The following SFMBT1 variants were observed in gnomAD, a reference collection of about 807,000 sequenced individuals.
The protein encoded by SFMBT1 is scm-like with four MBT domains protein 1.
In SFMBT1, 32 loss-of-function variants were observed where a neutral mutation model predicts 108.7. The observed-to-expected ratio is 0.29, with a 90% confidence interval of 0.22 to 0.40. The LOEUF is 0.40. Among genes scored for constraint, SFMBT1 ranks in the 10% least tolerant of loss-of-function variants. SFMBT1 has a pLI of 1.00. For missense variants in SFMBT1, 816 were observed against 1,059.6 expected, an observed-to-expected ratio of 0.77 and a Z score of 3.19; for synonymous variants, 348 against 369.5, an observed-to-expected ratio of 0.94 and a Z score of 0.67.
intron 2 of SFMBT1, among the ~76,000 whole-genome samples, chr3:52,966,952 A>T (rs914702028): frequency 6.8e-6 from 1 of 147,802 alleles, no homozygotes; most frequent in Non-Finnish European, 1.5e-5. Flanking sequence ...GTGATAAGTT[A>T]TATATATATA....
chr3:52,928,619 CATATATACATATATAT>C (rs1702744545), intron 8 of SFMBT1: 2 of 37,568 alleles, frequency 5.3e-5, no homozygotes, highest in Non-Finnish European at 1.4e-4. Flanking sequence ...CATATATATA[CATATATACATATATAT>C]ACATATATAT....
Position 52,907,608 on chromosome 3 carries a change from T to A in SFMBT1, c.2032A>T (p.Lys678Ter). The A allele has an allele frequency of 6.2e-7, 1 of 1,614,196 alleles. No homozygotes were observed. Among genetic ancestry groups the A allele is most frequent in the Non-Finnish European group, 8.5e-7 (1 of 1,180,032 alleles). The change falls in exon 18 of 21, where the codon AAG becomes TAG. Residue 678 changes from lysine to a stop codon, truncating the protein, a stop_gained. Transcript: ENST00000394752. LOFTEE classifies it high-confidence loss of function. ...ACAGATGCAGAGGAGCGTTTCTTCT[T>A]ATGAACAAAAACATTTTTCCGCCTC... The part of the protein sequence containing the change: ...RKRRKNVFVH[K>*]KKRSSASVDN...
At position 52,916,747 on chromosome 3, in the gene SFMBT1, T is replaced by C. The variant is rs80024466; in HGVS notation, c.1416-533A>G. 5.3e-5 allele frequency among the ~76,000 whole-genome samples: 8 copies of C among 152,022 alleles called. No individual in the cohort carries two copies. In the East Asian group the frequency reaches 1.6e-3, roughly 29 times the overall value. On this transcript the variant is annotated intron_variant, in intron 13 of 20. Transcript: ENST00000394752. ...AAAAAAGAACAATTGTTTTTAAAAC[T>C]ATATATAGGGCATAATGAGCCAATG...
At chr3:52,971,140 T>C in intron 1 of SFMBT1, among the ~76,000 whole-genome samples, 1 of 149,256 alleles carries the variant, frequency 6.7e-6, no homozygotes, top group African/African-American at 2.5e-5. Flanking sequence ...AAATCCTGTC[T>C]CAAAAAAAAA....
intron 1 of SFMBT1, among the ~76,000 whole-genome samples, chr3:53,014,615 G>T (rs1699066306): frequency 6.6e-6 from 1 of 152,192 alleles, no homozygotes; most frequent in African/African-American, 2.4e-5. Context: ...AAGCTCTGGA[G>T]ACCAACAGTA....
chr3:52,953,998 G>A (rs1002832234), intron 3 of SFMBT1, among the ~76,000 whole-genome samples: 6 of 152,026 alleles, frequency 3.9e-5, no homozygotes, highest in Admixed American at 3.3e-4. Context: ...GGTGGCAGGC[G>A]CCTGTAGTCC....
At chr3:52,985,225 A>T (rs1704864289) in intron 1 of SFMBT1, among the ~76,000 whole-genome samples, 1 of 152,218 alleles carries the variant, frequency 6.6e-6, no homozygotes, top group Non-Finnish European at 1.5e-5. Context: ...TTATAAAAAG[A>T]TTATAGGAAA....
At chr3:52,998,851 G>A (rs1575428505) in intron 1 of SFMBT1, among the ~76,000 whole-genome samples, 1 of 150,672 alleles carries the variant, frequency 6.6e-6, no homozygotes, top group African/African-American at 2.4e-5. Context: ...AGGGCCTGCG[G>A]GGTGACGGCT....
At chr3:53,044,657 G>A (rs1161091997) in intron 1 of SFMBT1, among the ~76,000 whole-genome samples, 1 of 152,250 alleles carries the variant, frequency 6.6e-6, no homozygotes, top group Non-Finnish European at 1.5e-5. Flanking sequence ...AGAAAATGTG[G>A]TTCAAGAGAA....
intron 1 of SFMBT1, among the ~76,000 whole-genome samples, chr3:53,029,240 CT>C (rs2106954979): frequency 6.7e-6 from 1 of 148,182 alleles, no homozygotes; most frequent in East Asian, 2.0e-4. Context: ...AAAGAATAGA[CT>C]ACCACAAATT....
chr3:53,034,410 C>CT (rs1699798805), intron 1 of SFMBT1, among the ~76,000 whole-genome samples: 1 of 151,338 alleles, frequency 6.6e-6, no homozygotes, highest in Non-Finnish European at 1.5e-5. Flanking sequence ...AATCCCATCT[C>CT]TACTAAAAAT....
intron 1 of SFMBT1, among the ~76,000 whole-genome samples, chr3:53,022,322 C>T (rs975313347): frequency 2.4e-4 from 36 of 151,866 alleles, no homozygotes; most frequent in African/African-American, 8.2e-4. Context: ...TGGTGGCATG[C>T]GCCTGCAGTC....
At position 52,946,937 on chromosome 3, in the gene SFMBT1, G is replaced by A. The variant is rs1703387257; in HGVS notation, c.124-3344C>T. On this transcript the variant is annotated intron_variant, in intron 3 of 20. Coordinates refer to ENST00000394752, the MANE Select transcript of SFMBT1 (RefSeq NM_016329.4). ...CAGGCACGTGCCACCACACCTGGTT[G>A]ATTTTTGTATTTTTTGTAGCAACAA... Among the ~76,000 whole-genome samples, 3 of 151,222 alleles carry A rather than the reference G, an allele frequency of 2.0e-5. 1 individual carries two copies. In the South Asian group the frequency reaches 6.3e-4, roughly 32 times the overall value.
intron 2 of SFMBT1, among the ~76,000 whole-genome samples, chr3:52,958,494 G>A (rs1284674999): frequency 1.3e-5 from 2 of 152,198 alleles, no homozygotes; most frequent in Admixed American, 6.5e-5. Flanking sequence ...AGGAGGCTGA[G>A]GCAGGAGAAT....
chr3:52,914,260 G>A (rs1415508428), intron 14 of SFMBT1, among the ~76,000 whole-genome samples: 1 of 152,144 alleles, frequency 6.6e-6, no homozygotes, highest in Non-Finnish European at 1.5e-5. Context: ...CCCTCATAGT[G>A]GTAGGCATGT....
chr3:52,961,808 CTT>C (rs1237809525), intron 2 of SFMBT1, among the ~76,000 whole-genome samples: 8 of 152,234 alleles, frequency 5.3e-5, no homozygotes, highest in Admixed American at 3.9e-4. Context: ...ATTACTAAAA[CTT>C]AACAAGGCTG....
At chr3:52,928,407 C>A in intron 8 of SFMBT1, 66 bp from the exon 9 acceptor site, 2 of 1,533,912 alleles carry the variant, frequency 1.3e-6, no homozygotes, top group South Asian at 1.2e-5. Flanking sequence ...CTCCTTGGCA[C>A]AGCCAAACAT....
chr3:53,003,574 G>A (rs1278373406), intron 1 of SFMBT1, among the ~76,000 whole-genome samples: 1 of 149,532 alleles, frequency 6.7e-6, no homozygotes, highest in Admixed American at 6.8e-5. Flanking sequence ...TAAAAAGTAA[G>A]CCAAAAAATA....
At chr3:52,931,268 T>A (rs916124310) in intron 6 of SFMBT1, among the ~76,000 whole-genome samples, 1 of 152,238 alleles carries the variant, frequency 6.6e-6, no homozygotes, top group Non-Finnish European at 1.5e-5. Context: ...AAGATCATAA[T>A]GATTGTTGTA....
Sources: gnomAD v4.1 joint callset for allele counts (sites outside exome capture counted in the v4.1 genomes callset) on GRCh38, gnomAD v4.1.1 for gene constraint, MANE v1.5 for transcripts, NCBI Gene and HGNC (gene_info 2026-07-23, HGNC 2026-07-21) for gene names.